The following MYO5A variants were observed in gnomAD, a reference collection of about 807,000 sequenced individuals.
MYO5A encodes unconventional myosin-Va.
Under a neutral mutation model 249.7 loss-of-function variants are expected in MYO5A, and 98 were observed. That is an observed-to-expected ratio of 0.39 (90% confidence interval 0.33 to 0.46). The LOEUF (loss-of-function observed/expected upper bound fraction) is 0.46, where lower values mean the gene tolerates loss of function less well. Ranked by LOEUF, MYO5A falls within the 20% of genes least tolerant of loss-of-function variation. MYO5A has a pLI of 0.98. For missense variants in MYO5A, 1,696 were observed against 2,308.8 expected (o/e 0.73, Z 5.44); for synonymous variants, 778 against 810.6 (o/e 0.96, Z 0.68).
chr15:52,348,453 C>T (rs4776037), intron 29 of MYO5A, among the ~76,000 whole-genome samples: 72,096 of 152,072 alleles, frequency 0.47, 20,638 homozygotes, highest in Non-Finnish European at 0.62. Flanking sequence ...CCTTAACCAA[C>T]AAGCCCGCCA....
chr15:52,320,143 G>A (rs1199112014), intron 38 of MYO5A, among the ~76,000 whole-genome samples: 1 of 152,188 alleles, frequency 6.6e-6, no homozygotes, highest in Non-Finnish European at 1.5e-5. Context: ...CCCTTGGGCT[G>A]ACCTCCATCT....
At position 52,404,262 on chromosome 15, in the gene MYO5A, C is replaced by T. The variant is rs545935293; in HGVS notation, c.1053+1025G>A. ...AGCCTGGGCGACAAGAGTGAAACTC[C>T]GTCTCAAAAAAAAAAAAAAAAAAAA... On this transcript the variant is annotated intron_variant, in intron 9 of 41. Coordinates refer to ENST00000399233, the MANE Select transcript of MYO5A (RefSeq NM_001382347.1). Among the ~76,000 whole-genome samples, 460 of 72,644 alleles carry T rather than the reference C, an allele frequency of 6.3e-3. 1 individual carries two copies. The highest frequency in any genetic ancestry group is 0.01 in the Middle Eastern group (2 of 198). The allele number at this position is 72,644 out of a possible 152,430, so 47.7% of individuals were successfully genotyped here. A position where few individuals can be genotyped will look rare whatever the true frequency, so the allele number is the denominator to read the frequency against.
intron 14 of MYO5A, among the ~76,000 whole-genome samples, chr15:52,385,654 T>C (rs1271060205): frequency 6.6e-6 from 1 of 152,002 alleles, no homozygotes; most frequent in Non-Finnish European, 1.5e-5. Flanking sequence ...TACACAAACA[T>C]ACTCCACACT....
chr15:52,450,586 T>G (rs1307936782), intron 1 of MYO5A, among the ~76,000 whole-genome samples: 1 of 151,616 alleles, frequency 6.6e-6, no homozygotes, highest in Non-Finnish European at 1.5e-5. Flanking sequence ...GGAGAACCAC[T>G]TGAACTCAAG....
intron 1 of MYO5A, among the ~76,000 whole-genome samples, chr15:52,498,287 T>C (rs746962959): frequency 2.0e-5 from 3 of 152,170 alleles, no homozygotes; most frequent in Non-Finnish European, 4.4e-5. Flanking sequence ...AGCACTGACA[T>C]AATCATCCTT....
chr15:52,446,463 C>G (rs924977969), intron 1 of MYO5A, among the ~76,000 whole-genome samples: 1 of 152,252 alleles, frequency 6.6e-6, no homozygotes, highest in East Asian at 1.9e-4. Flanking sequence ...GAGGCAAAAG[C>G]CTCCTGCAGG....
chr15:52,499,179 C>T (rs2077102277), intron 1 of MYO5A, among the ~76,000 whole-genome samples: 1 of 152,112 alleles, frequency 6.6e-6, no homozygotes, highest in Non-Finnish European at 1.5e-5. Context: ...ATCTCATTCT[C>T]AGTGAAGGAA....
chr15:52,386,333 A>G (rs2041971792), intron 14 of MYO5A, among the ~76,000 whole-genome samples: 1 of 151,024 alleles, frequency 6.6e-6, no homozygotes, highest in South Asian at 2.1e-4. Flanking sequence ...AACAACAACA[A>G]CAACAGCAAG....
At chr15:52,393,612 C>G (rs2042357083) in intron 11 of MYO5A, among the ~76,000 whole-genome samples, 1 of 152,152 alleles carries the variant, frequency 6.6e-6, no homozygotes, top group Non-Finnish European at 1.5e-5. Flanking sequence ...CCAGGACAGT[C>G]TCGATCTCCT....
chr15:52,335,533 AAAAAAAAAG>A (rs2039076194), intron 34 of MYO5A, among the ~76,000 whole-genome samples: 1 of 151,154 alleles, frequency 6.6e-6, no homozygotes, highest in African/African-American at 2.4e-5. Flanking sequence ...AAAAAAAAAA[AAAAAAAAAG>A]GAGTTTGGCT....
intron 9 of MYO5A, among the ~76,000 whole-genome samples, chr15:52,399,642 T>G (rs2042656477): frequency 6.6e-6 from 1 of 152,182 alleles, no homozygotes; most frequent in Non-Finnish European, 1.5e-5. Context: ...AGTATATACC[T>G]GAAACTTTTT....
At chr15:52,354,742 T>C (rs2040127206) in intron 25 of MYO5A, among the ~76,000 whole-genome samples, 1 of 151,992 alleles carries the variant, frequency 6.6e-6, no homozygotes. Context: ...TAATCCCATC[T>C]ACTCAGGAGG....
intron 1 of MYO5A, among the ~76,000 whole-genome samples, chr15:52,487,810 C>T (rs906769496): frequency 4.6e-5 from 7 of 151,906 alleles, no homozygotes; most frequent in Non-Finnish European, 8.8e-5. Context: ...AACCAGCATA[C>T]TTGTACGGCC....
At chr15:52,493,695 C>G (rs1457735145) in intron 1 of MYO5A, among the ~76,000 whole-genome samples, 2 of 151,966 alleles carry the variant, frequency 1.3e-5, no homozygotes, top group African/African-American at 4.8e-5. Flanking sequence ...TTCTTTAGCA[C>G]TGATACTTGC....
At chr15:52,505,235 A>G (rs1023576905) in intron 1 of MYO5A, 7 of 774,400 alleles carry the variant, frequency 9.0e-6, no homozygotes, top group Non-Finnish European at 1.4e-5. Flanking sequence ...CAGGTGCTCA[A>G]TGATTACCTG....
intron 37 of MYO5A, 101 bp from the exon 38 acceptor site, chr15:52,321,610 T>A: frequency 1.5e-6 from 2 of 1,333,128 alleles, no homozygotes; most frequent in Non-Finnish European, 2.2e-6. Flanking sequence ...TTTTCTGCTC[T>A]GTCCAAGGAG....
At position 52,505,689 on chromosome 15, in the gene MYO5A, C is replaced by T. The variant is rs111668888; in HGVS notation, c.27+23091G>A. 2.0e-4 allele frequency: 247 copies of T among 1,261,600 alleles called. 1 individual carries two copies. The highest frequency in any genetic ancestry group is 1.1e-3 in the Middle Eastern group (4 of 3,748). 78.2% of individuals were successfully genotyped at this position (1,261,600 alleles called of 1,614,324 possible). A position where few individuals can be genotyped will look rare whatever the true frequency, so the allele number is the denominator to read the frequency against. On this transcript the variant is annotated intron_variant, in intron 1 of 41. Coordinates refer to ENST00000399233, the MANE Select transcript of MYO5A (RefSeq NM_001382347.1). Reference sequence around the variant, plus strand: ...AGGGCGTCAGAAGCATTCAAGCAGACGTCTTAGTCTGGGACTCATCTAAAC... The same window carrying T: ...AGGGCGTCAGAAGCATTCAAGCAGATGTCTTAGTCTGGGACTCATCTAAAC...
intron 8 of MYO5A, among the ~76,000 whole-genome samples, 198 bp downstream of exon 8, chr15:52,407,094 C>T (rs1352438259): frequency 6.6e-6 from 1 of 152,174 alleles, no homozygotes; most frequent in Non-Finnish European, 1.5e-5. Flanking sequence ...ACCATTACCA[C>T]AATCTAATTC....
At chr15:52,465,516 TA>T (rs1203751438) in intron 1 of MYO5A, among the ~76,000 whole-genome samples, 3 of 152,130 alleles carry the variant, frequency 2.0e-5, no homozygotes, top group Admixed American at 6.5e-5. Flanking sequence ...TCCCTTAATG[TA>T]TAAAGAACTT....
Sources: allele counts gnomAD v4.1 joint callset (sites outside exome capture counted in the v4.1 genomes callset), GRCh38; gene constraint gnomAD v4.1.1; transcripts MANE v1.5; gene names NCBI Gene and HGNC (gene_info 2026-07-23, HGNC 2026-07-21).